The following COL5A2 variants were observed in gnomAD, a reference collection of about 807,000 sequenced individuals.
The protein encoded by COL5A2 is collagen alpha-2(V) chain.
In COL5A2, 23 loss-of-function variants were observed where a neutral mutation model predicts 208.2. The ratio of observed to expected loss-of-function variants is 0.11; its 90% CI spans 0.08 to 0.16. The LOEUF is 0.16. Ranked by LOEUF, COL5A2 falls within the 10% of genes least tolerant of loss-of-function variation. The pLI is 1.00. For missense variants in COL5A2, 1,590 were observed against 1,956.4 expected, an observed-to-expected ratio of 0.81 and a Z score of 3.53; for synonymous variants, 625 against 628.5, an observed-to-expected ratio of 0.99 and a Z score of 0.08.
intron 1 of COL5A2, among the ~76,000 whole-genome samples, chr2:189,149,465 C>A (rs977731350): frequency 1.3e-5 from 2 of 152,104 alleles, no homozygotes; most frequent in African/African-American, 4.8e-5. Flanking sequence ...GCTCTATATT[C>A]CATTAAACTC....
the COL5A2 span, among the ~76,000 whole-genome samples, chr2:189,316,604 G>C: frequency 6.6e-6 from 1 of 152,062 alleles, no homozygotes; most frequent in African/African-American, 2.4e-5. Flanking sequence ...TAAAGAGTGG[G>C]AGGAGGGAGA....
At chr2:189,057,670 T>C (rs1185659892) in intron 33 of COL5A2, among the ~76,000 whole-genome samples, 5 of 152,208 alleles carry the variant, frequency 3.3e-5, no homozygotes, top group African/African-American at 1.2e-4. Context: ...TTGAACGCTA[T>C]TTCAAATAAA....
chr2:189,046,923 A>G (rs62184177), intron 45 of COL5A2, among the ~76,000 whole-genome samples: 5,963 of 152,234 alleles, frequency 0.039, 171 homozygotes, highest in Non-Finnish European at 0.06. Context: ...AGAGATCGAG[A>G]CCATCCTGGC....
chr2:189,298,263 C>G, the COL5A2 span, among the ~76,000 whole-genome samples: 4 of 152,194 alleles, frequency 2.6e-5, no homozygotes, highest in South Asian at 8.3e-4. Context: ...GCTTCTCTGG[C>G]TGGACATTGA....
the COL5A2 span, among the ~76,000 whole-genome samples, chr2:189,401,297 T>G: frequency 1.3e-5 from 2 of 152,206 alleles, no homozygotes; most frequent in Non-Finnish European, 2.9e-5. Context: ...CTGCCACTTA[T>G]AAGTGAGACC....
At chr2:189,321,613 T>C in the COL5A2 span, among the ~76,000 whole-genome samples, 6 of 141,392 alleles carry the variant, frequency 4.2e-5, no homozygotes, top group East Asian at 1.9e-4. Context: ...CAAGAAGAGC[T>C]AACTATCCTA....
the COL5A2 span, among the ~76,000 whole-genome samples, chr2:189,337,393 C>T: frequency 2.6e-5 from 4 of 151,534 alleles, no homozygotes; most frequent in African/African-American, 9.7e-5. Context: ...CGTTTTAGCC[C>T]GGATGGTCTC....
chr2:189,089,457 T>C (rs1191869602), intron 7 of COL5A2, among the ~76,000 whole-genome samples: 1 of 152,174 alleles, frequency 6.6e-6, no homozygotes, highest in Non-Finnish European at 1.5e-5. Flanking sequence ...ATAAATAAAT[T>C]GGCAATTTAT....
At chr2:189,060,681 T>G (rs374562778) in intron 31 of COL5A2, 49 bp downstream of exon 31, 1,079 of 1,466,504 alleles carry the variant, frequency 7.4e-4, no homozygotes, top group Middle Eastern at 1.2e-3. Context: ...AAAGTGATAA[T>G]TGAGCCAGCA....
chr2:189,066,576 T>G (rs763110342), intron 22 of COL5A2, 79 bp from the exon 23 acceptor site: 69 of 1,469,134 alleles, frequency 4.7e-5, no homozygotes, highest in Non-Finnish European at 6.6e-5. Flanking sequence ...TTTAACGAAG[T>G]CAGTCACAAA....
At chr2:189,166,145 A>T (rs904871592) in intron 1 of COL5A2, among the ~76,000 whole-genome samples, 1 of 151,914 alleles carries the variant, frequency 6.6e-6, no homozygotes, top group Non-Finnish European at 1.5e-5. Context: ...CATTTCAATG[A>T]TGCTATGTGA....
At chr2:189,186,455 T>C (rs567871911) in intron 1 of COL5A2, among the ~76,000 whole-genome samples, 32 of 152,364 alleles carry the variant, frequency 2.1e-4, no homozygotes, top group Non-Finnish European at 3.8e-4. Flanking sequence ...ACTTTATATG[T>C]ATTAACTAAT....
chr2:189,376,693 A>G, the COL5A2 span, among the ~76,000 whole-genome samples: 1 of 152,230 alleles, frequency 6.6e-6, no homozygotes, highest in Non-Finnish European at 1.5e-5. Context: ...TAAGAATCCT[A>G]TAATTAGTAG....
chr2:189,441,047 G>C, the COL5A2 span, among the ~76,000 whole-genome samples: 5 of 152,162 alleles, frequency 3.3e-5, no homozygotes, highest in African/African-American at 7.2e-5. Context: ...ACTCAACGCT[G>C]CGACCGAGAA....
At position 189,048,157 on chromosome 2, in the gene COL5A2, G is replaced by T. The variant is rs958977679; in HGVS notation, c.3201+52C>A. The stretch of plus-strand genomic sequence containing the variant: ...GACAGTTTTTAGTGTAAATTAAAAA[G>T]ATTTCAGATTTGCATGACTTTAGAT... On this transcript the variant is annotated intron_variant, in intron 45 of 53. Coordinates refer to ENST00000374866, the MANE Select transcript of COL5A2 (RefSeq NM_000393.5). The T allele has an allele frequency of 1.1e-5, 17 of 1,537,504 alleles. No homozygotes were observed. The South Asian group carries it at 1.2e-4, about 11-fold the overall frequency.
At chr2:189,410,480 T>C in the COL5A2 span, among the ~76,000 whole-genome samples, 1 of 152,058 alleles carries the variant, frequency 6.6e-6, no homozygotes, top group Non-Finnish European at 1.5e-5. Context: ...GCAGGAGGAT[T>C]GCTTGAGCCC....
chr2:189,141,967 G>A (rs1000467316), intron 1 of COL5A2, among the ~76,000 whole-genome samples: 1 of 152,056 alleles, frequency 6.6e-6, no homozygotes, highest in Admixed American at 6.6e-5. Context: ...TATAAATAAT[G>A]TCAAATTCTT....
intron 45 of COL5A2, among the ~76,000 whole-genome samples, chr2:189,046,432 T>C (rs1685668763): frequency 6.6e-6 from 1 of 152,214 alleles, no homozygotes; most frequent in Admixed American, 6.5e-5. Flanking sequence ...TCTGCAATCT[T>C]ATTATGATGC....
chr2:189,371,004 T>C, the COL5A2 span, among the ~76,000 whole-genome samples: 1 of 152,180 alleles, frequency 6.6e-6, no homozygotes, highest in Non-Finnish European at 1.5e-5. Flanking sequence ...AGATTCCTCA[T>C]GAATGGTTTA....
Sources: allele counts gnomAD v4.1 joint callset (sites outside exome capture counted in the v4.1 genomes callset), GRCh38; gene constraint gnomAD v4.1.1; transcripts MANE v1.5; gene names NCBI Gene and HGNC (gene_info 2026-07-23, HGNC 2026-07-21).